EDA: variants seen among roughly 807,000 people sequenced by gnomAD.
The protein encoded by EDA is ectodysplasin A.
EDA carries 2 observed loss-of-function variants against 23.6 expected under a neutral mutation model. The ratio of observed to expected loss-of-function variants is 0.08; its 90% confidence interval spans 0.03 to 0.27. The LOEUF (loss-of-function observed/expected upper bound fraction) is 0.27, where lower values mean the gene tolerates loss of function less well. Ranked by LOEUF, EDA falls within the 10% of genes least tolerant of loss-of-function variation. EDA has a pLI of 1.00. For missense variants in EDA, 229 were observed against 324.2 expected, an observed-to-expected ratio of 0.71 and a Z score of 2.26; for synonymous variants, 131 against 132.0, an observed-to-expected ratio of 0.99 and a Z score of 0.05.
rs764961299 is a variant in EDA, at chrX:69,963,005, A to G, written c.502+5873A>G. ...CATCTGCACATTGCTCTGTGGCACT[A>G]TCTCACTCTGGCTGGCTGGCTGTAT... On this transcript the variant is annotated intron_variant, in intron 2 of 7. Coordinates refer to ENST00000374552, the MANE Select transcript of EDA (RefSeq NM_001399.5). Among the ~76,000 whole-genome samples the G allele has an allele frequency of 4.5e-5, 5 of 111,501 alleles. No individual in the cohort carries two copies. In the Admixed American group the frequency reaches 4.8e-4, roughly 11 times the overall value.
rs544601085 is a variant in EDA at position 69,670,183 on chromosome X, G to GTTT, written c.396+53496_396+53498dup. ...CTGGGTATAGTATTCTTGGCTGACT[G>GTTT]TTTTTTTTTTTTTTTTTTTCTTTCA... On this transcript the variant is annotated intron_variant, in intron 1 of 7. Transcript: ENST00000374552. 0.048 allele frequency: 10,966 copies of GTTT among 226,683 alleles called. 197 individuals are homozygous for GTTT. Among genetic ancestry groups the GTTT allele is most frequent in the East Asian group, 0.15 (2,172 of 14,327 alleles). 18.7% of individuals were successfully genotyped at this position (226,683 alleles called of 1,213,427 possible).
At chrX:69,993,120 G>T (rs944915210) in intron 2 of EDA, among the ~76,000 whole-genome samples, 3 of 108,311 alleles carry the variant, frequency 2.8e-5, no homozygotes, top group African/African-American at 1.0e-4. Context: ...ATAGAGTCTA[G>T]GTTGACTCTG....
At chrX:69,993,059 G>A (rs750620783) in intron 2 of EDA, among the ~76,000 whole-genome samples, 24 of 110,294 alleles carry the variant, frequency 2.2e-4, no homozygotes, top group Non-Finnish European at 4.4e-4. Context: ...TCATTGAAGA[G>A]TCCTTTCTTT....
Position 70,027,920 on chromosome X carries a change from A to G in EDA, c.590A>G (p.Gln197Arg). The change falls in exon 4 of 8, where the codon CAG (glutamine) becomes CGG (arginine). Residue 197 changes from glutamine (Q) to arginine (R), a missense_variant. Gln to Arg is a conservative substitution (Grantham distance 43). This residue lies in a region of EDA where 175 missense variants were observed against 281.8 expected (regional missense o/e 0.62). Coordinates refer to ENST00000374552, the MANE Select transcript of EDA (RefSeq NM_001399.5). ...GGACCCCCAGGACCTCCAGGACCCCAGGGACCCCCAGGAATTCCAGGGATT... is the reference window on the plus strand; with the variant it reads ...GGACCCCCAGGACCTCCAGGACCCCGGGGACCCCCAGGAATTCCAGGGATT... ...PPGPPGPPGP[Q>R]GPPGIPGIPG... The G allele has an allele frequency of 1.7e-6, 2 of 1,171,907 alleles. No homozygotes were observed. The highest frequency in any genetic ancestry group is 2.3e-6 in the Non-Finnish European group (2 of 871,749).
intron 2 of EDA, among the ~76,000 whole-genome samples, chrX:69,961,130 A>G (rs987212641): frequency 1.8e-5 from 2 of 111,937 alleles, no homozygotes; most frequent in Non-Finnish European, 3.8e-5. Flanking sequence ...GCCCGCCACA[A>G]CACCCAGCTA....
intron 2 of EDA, among the ~76,000 whole-genome samples, chrX:70,005,282 G>A (rs749202757): frequency 1.8e-4 from 20 of 111,633 alleles, no homozygotes; most frequent in African/African-American, 4.2e-4. Context: ...AACTATTATC[G>A]TTAATACTTT....
chrX:69,685,877 A>G (rs1006562613), intron 1 of EDA, among the ~76,000 whole-genome samples: 14 of 113,145 alleles, frequency 1.2e-4, no homozygotes, highest in African/African-American at 4.5e-4. Flanking sequence ...TAGCATTTAG[A>G]ATTTACTAAT....
intron 1 of EDA, among the ~76,000 whole-genome samples, chrX:69,911,472 T>C (rs1367249853): frequency 8.9e-6 from 1 of 112,143 alleles, no homozygotes; most frequent in East Asian, 2.8e-4. Flanking sequence ...TTATTTTAAA[T>C]GTCAACTCCC....
chrX:70,021,157 G>A (rs2020028469), intron 2 of EDA, among the ~76,000 whole-genome samples: 1 of 111,927 alleles, frequency 8.9e-6, no homozygotes, highest in Non-Finnish European at 1.9e-5. Flanking sequence ...CTCATCTTTT[G>A]TATTTCCCTA....
intron 1 of EDA, among the ~76,000 whole-genome samples, chrX:69,814,320 T>A (rs1238813353): frequency 8.9e-6 from 1 of 112,736 alleles, no homozygotes; most frequent in Non-Finnish European, 1.9e-5. Flanking sequence ...AGGGACTATT[T>A]CCATTTAAAA....
At chrX:69,839,228 T>C (rs191561837) in intron 1 of EDA, among the ~76,000 whole-genome samples, 1 of 112,157 alleles carries the variant, frequency 8.9e-6, no homozygotes, top group Non-Finnish European at 1.9e-5. Flanking sequence ...GACATGCTCA[T>C]TTCCCTTTGC....
chrX:69,654,049 C>T (rs1292846247), intron 1 of EDA, among the ~76,000 whole-genome samples: 3 of 111,668 alleles, frequency 2.7e-5, no homozygotes, highest in African/African-American at 6.5e-5. Flanking sequence ...GCAACCTACT[C>T]ATCTGACAAA....
At chrX:69,738,854 C>A (rs1472179492) in intron 1 of EDA, among the ~76,000 whole-genome samples, 1 of 110,454 alleles carries the variant, frequency 9.1e-6, no homozygotes, top group African/African-American at 3.3e-5. Context: ...AGAAAACATA[C>A]TTTGTATGAT....
Position 69,680,950 on chromosome X carries a change from C to T in EDA, c.396+64246C>T, listed in dbSNP as rs891314779. On this transcript the variant is annotated intron_variant, in intron 1 of 7. Transcript: ENST00000374552. ...TTTACAATTTGGCATGATTTTGCAG[C>T]GGCTGGTACCGGTTGTTCCTTTCCA... is the stretch of plus-strand genomic sequence containing the variant. 5.7e-3 allele frequency among the ~76,000 whole-genome samples: 610 copies of T among 106,709 alleles called. 3 individuals are homozygous for T. Among genetic ancestry groups the T allele is most frequent in the Non-Finnish European group, 9.9e-3 (512 of 51,783 alleles). The allele number at this position is 106,709 out of a possible 115,157, so 92.7% of individuals were successfully genotyped here. A position where few individuals can be genotyped will look rare whatever the true frequency, so the allele number is the denominator to read the frequency against.
intron 1 of EDA, among the ~76,000 whole-genome samples, chrX:69,649,120 A>C (rs1300360977): frequency 8.9e-6 from 1 of 111,891 alleles, no homozygotes; most frequent in Non-Finnish European, 1.9e-5. Flanking sequence ...TGGATATTTC[A>C]GTTGAAGGTG....
chrX:70,004,905 A>C (rs1385169880), intron 2 of EDA, among the ~76,000 whole-genome samples: 1 of 112,074 alleles, frequency 8.9e-6, no homozygotes, highest in Non-Finnish European at 1.9e-5. Context: ...AGCCTGGGCA[A>C]CATAGTGAGA....
intron 1 of EDA, among the ~76,000 whole-genome samples, chrX:69,838,353 C>T (rs1248543318): frequency 1.8e-5 from 2 of 113,161 alleles, no homozygotes; most frequent in East Asian, 2.8e-4. Flanking sequence ...CTGGGCTGGG[C>T]GTGGTGGCTC....
intron 1 of EDA, among the ~76,000 whole-genome samples, chrX:69,701,298 C>G (rs1036709912): frequency 2.7e-5 from 3 of 110,877 alleles, no homozygotes; most frequent in African/African-American, 9.9e-5. Flanking sequence ...GTGGGGGCCA[C>G]TCACAGTCCG....
At chrX:69,888,980 ATATATATATATATATATAT>A in intron 1 of EDA, among the ~76,000 whole-genome samples, 2 of 29,906 alleles carry the variant, frequency 6.7e-5, no homozygotes, top group Non-Finnish European at 1.2e-4. Context: ...TGGGGTAGTT[ATATATATATATATATATAT>A]ATATATATAT....
Sources: allele counts gnomAD v4.1 joint callset (sites outside exome capture counted in the v4.1 genomes callset), GRCh38; gene constraint gnomAD v4.1.1; regional missense constraint gnomAD v4.1.1; transcripts MANE v1.5; gene names NCBI Gene and HGNC (gene_info 2026-07-23, HGNC 2026-07-21).